HIVEP3: variants seen among roughly 807,000 people sequenced by gnomAD.
HIVEP3 encodes the protein transcription factor HIVEP3.
A neutral mutation model predicts 152.8 loss-of-function variants in HIVEP3; 49 were observed. The observed-to-expected ratio is 0.32, with a 90% CI of 0.26 to 0.41. The LOEUF is 0.41. HIVEP3 is among the 10% of genes least tolerant of loss of function. The pLI, the probability that HIVEP3 is intolerant of heterozygous loss-of-function variation, is 1.00. For missense variants in HIVEP3, 2,790 were observed against 3,103.3 expected (o/e 0.90, Z 2.40); for synonymous variants, 1,269 against 1,289.0 (o/e 0.98, Z 0.33).
At chr1:41,720,154 G>A (rs1053134096) in intron 1 of HIVEP3, among the ~76,000 whole-genome samples, 8 of 152,144 alleles carry the variant, frequency 5.3e-5, no homozygotes, top group South Asian at 2.1e-4. Flanking sequence ...CATCTACATC[G>A]CAGATGCCAA....
chr1:41,604,348 A>C (rs1570078663), intron 3 of HIVEP3, among the ~76,000 whole-genome samples: 1 of 152,374 alleles, frequency 6.6e-6, no homozygotes, highest in East Asian at 1.9e-4. Flanking sequence ...AGTAATAAAA[A>C]AGAACAAAGT....
At chr1:41,717,243 C>T (rs141118744) in intron 1 of HIVEP3, among the ~76,000 whole-genome samples, 38 of 152,354 alleles carry the variant, frequency 2.5e-4, no homozygotes, top group Non-Finnish European at 3.8e-4. Flanking sequence ...CATTTTCCGA[C>T]GCTCTTTCCC....
chr1:41,670,677 T>A (rs1247129873), intron 2 of HIVEP3, among the ~76,000 whole-genome samples: 1 of 152,016 alleles, frequency 6.6e-6, no homozygotes, highest in African/African-American at 2.4e-5. Context: ...GGGTGGGAGA[T>A]GAGTCACAAG....
intron 1 of HIVEP3, among the ~76,000 whole-genome samples, chr1:41,909,831 A>G (rs1199606211): frequency 1.3e-5 from 2 of 152,148 alleles, no homozygotes; most frequent in Non-Finnish European, 2.9e-5. Flanking sequence ...AAACATTCAG[A>G]GGATTAAAAA....
At chr1:42,001,446 C>A (rs1181528409) in intron 1 of HIVEP3, among the ~76,000 whole-genome samples, 1 of 152,196 alleles carries the variant, frequency 6.6e-6, no homozygotes, top group Non-Finnish European at 1.5e-5. Flanking sequence ...GAGATAACCT[C>A]ACTACACAGT....
intron 1 of HIVEP3, among the ~76,000 whole-genome samples, chr1:41,945,621 G>C (rs937310120): frequency 6.7e-6 from 1 of 149,666 alleles, no homozygotes; most frequent in African/African-American, 2.5e-5. Flanking sequence ...TCAGGCCAGC[G>C]GGCAGTTCCC....
intron 1 of HIVEP3, among the ~76,000 whole-genome samples, chr1:41,761,259 T>C (rs1420683060): frequency 2.6e-5 from 4 of 152,188 alleles, no homozygotes; most frequent in Non-Finnish European, 5.9e-5. Flanking sequence ...TATGTATGCA[T>C]GTGCATGTGT....
intron 2 of HIVEP3, among the ~76,000 whole-genome samples, chr1:41,657,910 C>A (rs1645653753): frequency 6.6e-6 from 1 of 152,180 alleles, no homozygotes; most frequent in African/African-American, 2.4e-5. Context: ...ACTTCCTGGG[C>A]CTCCTGCTGG....
intron 1 of HIVEP3, among the ~76,000 whole-genome samples, chr1:41,903,894 CTTTT>C (rs200511304): frequency 3.7e-4 from 44 of 120,292 alleles, no homozygotes; most frequent in Admixed American, 9.3e-4. Flanking sequence ...GACCATTTTC[CTTTT>C]TTTTTCTTTT....
intron 1 of HIVEP3, among the ~76,000 whole-genome samples, chr1:41,788,535 C>T (rs1167376470): frequency 6.6e-6 from 1 of 152,230 alleles, no homozygotes; most frequent in Admixed American, 6.5e-5. Flanking sequence ...TCAAAGCACC[C>T]TGGAGTCTGC....
chr1:41,650,321 C>T (rs1401445724), intron 2 of HIVEP3, among the ~76,000 whole-genome samples: 4 of 152,244 alleles, frequency 2.6e-5, no homozygotes, highest in South Asian at 2.1e-4. Context: ...AGCACCATTG[C>T]GTGCTTACTG....
chr1:41,727,158 C>T (rs1321977347), intron 1 of HIVEP3, among the ~76,000 whole-genome samples: 1 of 152,204 alleles, frequency 6.6e-6, no homozygotes, highest in African/African-American at 2.4e-5. Flanking sequence ...TTTCTATGTG[C>T]TAGTTACTGG....
intron 3 of HIVEP3, among the ~76,000 whole-genome samples, chr1:41,628,136 T>G (rs558619137): frequency 1.8e-4 from 28 of 152,172 alleles, no homozygotes; most frequent in Non-Finnish European, 3.8e-4. Context: ...CCAGGCTCAT[T>G]TGATCACTAT....
intron 1 of HIVEP3, among the ~76,000 whole-genome samples, chr1:42,003,234 G>A (rs865838473): frequency 2.0e-5 from 3 of 151,824 alleles, no homozygotes; most frequent in Non-Finnish European, 2.9e-5. Context: ...GCACCACCAC[G>A]CTCAGCTAAT....
intron 2 of HIVEP3, among the ~76,000 whole-genome samples, chr1:41,635,598 G>C (rs1355044087): frequency 3.8e-5 from 1 of 26,628 alleles, no homozygotes; most frequent in Non-Finnish European, 7.2e-5. Context: ...ATATACATAC[G>C]TATGTATATA....
intron 5 of HIVEP3, among the ~76,000 whole-genome samples, chr1:41,544,844 TACCACC>T (rs1309800542): frequency 2.2e-3 from 26 of 11,838 alleles, no homozygotes; most frequent in African/African-American, 6.7e-3. Flanking sequence ...CCACCACCAC[TACCACC>T]ACCACCACCA....
intron 1 of HIVEP3, among the ~76,000 whole-genome samples, chr1:42,009,430 T>C (rs900429672): frequency 6.6e-6 from 1 of 152,218 alleles, no homozygotes; most frequent in African/African-American, 2.4e-5. Flanking sequence ...CTTTCCTTTT[T>C]ACCCTCTGGC....
chr1:41,675,942 TTGGGGACCGGGGACAGGACAGC>T (rs1424810440), intron 2 of HIVEP3, among the ~76,000 whole-genome samples: 1 of 136,498 alleles, frequency 7.3e-6, no homozygotes, highest in Non-Finnish European at 1.5e-5. Flanking sequence ...ACATAGGATC[TTGGGGACCGGGGACAGGACAGC>T]TGGGGAACTG....
intron 1 of HIVEP3, among the ~76,000 whole-genome samples, chr1:41,874,490 C>T (rs1570715327): frequency 1.3e-5 from 2 of 152,278 alleles, no homozygotes; most frequent in South Asian, 4.1e-4. Flanking sequence ...TTCACAGTGT[C>T]TAAGGTTCGA....
Sources: allele counts gnomAD v4.1 joint callset (sites outside exome capture counted in the v4.1 genomes callset), GRCh38; gene constraint gnomAD v4.1.1; transcripts MANE v1.5; gene names NCBI Gene and HGNC (gene_info 2026-07-23, HGNC 2026-07-21).